INTS3: variants seen among roughly 807,000 people sequenced by gnomAD.
The protein encoded by INTS3 is integrator complex subunit 3.
Under a neutral mutation model 146.3 loss-of-function variants are expected in INTS3, and 34 were observed. That is an observed-to-expected ratio of 0.23 (90% CI 0.18 to 0.31). INTS3 has a LOEUF of 0.31. Among genes scored for constraint, INTS3 ranks in the 10% least tolerant of loss-of-function variants. The pLI is 1.00. For missense variants in INTS3, 757 were observed against 1,304.2 expected (o/e 0.58, Z 6.46); for synonymous variants, 475 against 494.9 (o/e 0.96, Z 0.53).
At chr1:153,742,867 G>A (rs562102054) in intron 3 of INTS3, among the ~76,000 whole-genome samples, 61 of 152,314 alleles carry the variant, frequency 4.0e-4, no homozygotes, top group African/African-American at 1.4e-3. Context: ...CATTTGCCTC[G>A]GGTCTCATAG....
chr1:153,760,318 C>T lies in INTS3; in HGVS notation c.1245C>T (p.Ala415=). The part of the protein sequence containing the change: ...DKDSIMNIEP[A]ILVMHHSMKP... ...TAATTTCACATCCTCCAGAACCAGC[C>T]ATCCTGGTCATGCACCACTCCATGA... is the stretch of plus-strand genomic sequence containing the variant. The change falls in exon 12 of 30, where the codon GCC becomes GCT. Residue 415 remains alanine (A), a synonymous_variant. Transcript: ENST00000318967. 2 of 1,612,734 alleles carry T rather than the reference C, an allele frequency of 1.2e-6. No homozygotes were observed. The highest frequency in any genetic ancestry group is 1.1e-5 in the South Asian group (1 of 91,042).
rs530942109 is a variant in INTS3, at chr1:153,752,460, A to G, written c.859+52A>G. ...CTTGAGAGCTGGGAGTTCAATGTGTATGTCTTGCTTGAATCAAGAAGGTAG... is the reference window on the plus strand; with the variant it reads ...CTTGAGAGCTGGGAGTTCAATGTGTGTGTCTTGCTTGAATCAAGAAGGTAG... On this transcript the variant is annotated intron_variant, in intron 8 of 29. Transcript: ENST00000318967. The G allele has an allele frequency of 1.0e-5, 16 of 1,564,282 alleles. No individual in the cohort carries two copies. In the African/African-American group the frequency reaches 1.8e-4, roughly 18 times the overall value.
At chr1:153,742,478 CTG>C (rs35008806) in intron 3 of INTS3, among the ~76,000 whole-genome samples, 87,874 of 147,444 alleles carry the variant, frequency 0.6, 26,988 homozygotes, top group Admixed American at 0.73. Context: ...TTTTTAATCT[CTG>C]TGTGTGTGTG....
At chr1:153,738,541 A>G (rs961981583) in intron 1 of INTS3, among the ~76,000 whole-genome samples, 1 of 152,228 alleles carries the variant, frequency 6.6e-6, no homozygotes, top group Non-Finnish European at 1.5e-5. Flanking sequence ...ATCCTGTTAG[A>G]GGCACATAGT....
chr1:153,761,123 T>C (rs1456078071), intron 13 of INTS3: 2 of 1,372,270 alleles, frequency 1.5e-6, no homozygotes, highest in African/African-American at 2.9e-5. Flanking sequence ...TTCAAATGCC[T>C]TCATGTTCCC....
Position 153,772,030 on chromosome 1 carries a change from G to A in INTS3, c.2720+67G>A. 1 of 1,381,176 alleles carries A rather than the reference G, an allele frequency of 7.2e-7. No homozygotes were observed. Among genetic ancestry groups the A allele is most frequent in the Non-Finnish European group, 9.8e-7 (1 of 1,022,286 alleles). 85.6% of individuals were successfully genotyped at this position (1,381,176 alleles called of 1,614,324 possible). A position where few individuals can be genotyped will look rare whatever the true frequency, so the allele number is the denominator to read the frequency against. On this transcript the variant is annotated intron_variant, in intron 26 of 29. Transcript: ENST00000318967. This position sits in a 1 kb window ranked among gnomAD's most constrained non-coding sequence, Gnocchi z 4.6. The stretch of plus-strand genomic sequence containing the variant: ...TGCAGTGATTGCTGTCGGTGGTGGT[G>A]GTGGTGGTGGTGGTGGTGGTGATGG...
chr1:153,751,319 G>A, intron 7 of INTS3, 80 bp downstream of exon 7: 1 of 1,383,972 alleles, frequency 7.2e-7, no homozygotes, highest in Non-Finnish European at 1.0e-6. Flanking sequence ...AGTGGAGTCA[G>A]AAATACCTTG....
intron 11 of INTS3, 71 bp from the exon 12 acceptor site, chr1:153,760,232 CAAAAAAAA>C (rs58951043): frequency 3.8e-3 from 1,504 of 394,962 alleles, no homozygotes; most frequent in Middle Eastern, 5.8e-3. Context: ...GACTCTGTTT[CAAAAAAAA>C]AAAAAAAAAA....
At position 153,750,819 on chromosome 1, in the gene INTS3, G is replaced by C. The variant is rs1671930146; in HGVS notation, c.585-276G>C. 18 of 443,602 alleles carry C rather than the reference G, an allele frequency of 4.1e-5. 1 individual carries two copies. In the South Asian group the frequency reaches 8.8e-4, roughly 22 times the overall value. The allele number at this position is 443,602 out of a possible 1,614,324, so 27.5% of individuals were successfully genotyped here. A position where few individuals can be genotyped will look rare whatever the true frequency, so the allele number is the denominator to read the frequency against. On this transcript the variant is annotated intron_variant, in intron 6 of 29. Transcript: ENST00000318967. ...AACAAAGAGAGTTATTTTCTTGGAA[G>C]CTAAGTAGTTAGGTGGTAAAAAGAG...
intron 6 of INTS3, 40 bp from the exon 7 acceptor site, chr1:153,751,055 C>G: frequency 6.2e-7 from 1 of 1,608,560 alleles, no homozygotes; most frequent in South Asian, 1.1e-5. Context: ...GTGAATAGTT[C>G]TAGACAGAGC....
At chr1:153,743,470 G>A (rs1322502598) in intron 3 of INTS3, among the ~76,000 whole-genome samples, 2 of 152,226 alleles carry the variant, frequency 1.3e-5, no homozygotes, top group East Asian at 3.9e-4. Flanking sequence ...AAGGAGTTAG[G>A]GCCAACTCTC....
intron 3 of INTS3, among the ~76,000 whole-genome samples, chr1:153,744,949 C>A (rs1671670318): frequency 6.6e-6 from 1 of 152,074 alleles, no homozygotes; most frequent in African/African-American, 2.4e-5. Flanking sequence ...CCTGGTTCTT[C>A]CTCTAATCTC....
intron 1 of INTS3, among the ~76,000 whole-genome samples, chr1:153,736,738 G>A (rs576357418): frequency 2.9e-4 from 40 of 136,988 alleles, no homozygotes; most frequent in African/African-American, 9.9e-4. Context: ...GAGCCACCGC[G>A]CCCAGTCCAA....
chr1:153,737,539 C>A (rs1280216521), intron 1 of INTS3, among the ~76,000 whole-genome samples: 2 of 152,132 alleles, frequency 1.3e-5, no homozygotes, highest in Admixed American at 1.3e-4. Context: ...CATTCTGTAG[C>A]CCAGGCTGGA....
intron 7 of INTS3, chr1:153,752,005 G>GTT (rs1431097332): frequency 2.3e-6 from 1 of 432,328 alleles, no homozygotes; most frequent in Non-Finnish European, 4.1e-6. Flanking sequence ...GATTGAAACA[G>GTT]TTCTGAGTGG....
In INTS3 at chr1:153,773,378, C is replaced by A; in HGVS notation, c.*108C>A. ...TGCAGGGGAAACACCCTTGCTGCATCCCCAAGCTCCCCCGGTGGAAGGAGG... is the reference window on the plus strand; with the variant it reads ...TGCAGGGGAAACACCCTTGCTGCATACCCAAGCTCCCCCGGTGGAAGGAGG... On this transcript the variant is annotated 3_prime_UTR_variant, in exon 30 of 30. Coordinates refer to ENST00000318967, the MANE Select transcript of INTS3 (RefSeq NM_023015.5). 1 of 1,020,192 alleles carries A rather than the reference C, an allele frequency of 9.8e-7. No homozygotes were observed. Among genetic ancestry groups the A allele is most frequent in the Non-Finnish European group, 1.5e-6 (1 of 654,002 alleles). The allele number at this position is 1,020,192 out of a possible 1,614,324, so 63.2% of individuals were successfully genotyped here. A position where few individuals can be genotyped will look rare whatever the true frequency, so the allele number is the denominator to read the frequency against.
intron 18 of INTS3, 109 bp downstream of exon 18, chr1:153,764,330 G>T: frequency 1.3e-6 from 1 of 742,074 alleles, no homozygotes; most frequent in Middle Eastern, 2.4e-4. Flanking sequence ...TGTTCACTTG[G>T]TGTTTTTATT....
chr1:153,735,362 A>G (rs1456732625), intron 1 of INTS3, among the ~76,000 whole-genome samples: 1 of 152,214 alleles, frequency 6.6e-6, no homozygotes, highest in Admixed American at 6.6e-5. Flanking sequence ...ACCTTGTGAT[A>G]GAGGCATTAT....
chr1:153,764,961 A>G lies in INTS3; in HGVS notation c.1988A>G (p.Gln663Arg). The change falls in exon 20 of 30, where the codon CAG (glutamine) becomes CGG (arginine). Residue 663 changes from glutamine to arginine, a missense_variant. This residue lies in a region of INTS3 where 89 missense variants were observed against 210.9 expected (regional missense o/e 0.42). Transcript: ENST00000318967. ...ACCTCCAGGAACCTATGTCAGATGC[A>G]GGAAGACAACAGCAGCTTCTCTCTA... ...YLIFRNLCQM[Q>R]EDNSSFSLLL... 1 of 1,614,112 alleles carries G rather than the reference A, an allele frequency of 6.2e-7. No individual in the cohort carries two copies.
Sources: gnomAD v4.1 joint callset for allele counts (sites outside exome capture counted in the v4.1 genomes callset) on GRCh38, gnomAD v4.1.1 for gene constraint, gnomAD v4.1.1 regional missense constraint, Gnocchi (gnomAD v3.1) non-coding constraint, MANE v1.5 for transcripts, NCBI Gene and HGNC (gene_info 2026-07-23, HGNC 2026-07-21) for gene names.